The following PPM1H variants were observed in gnomAD, a reference collection of about 807,000 sequenced individuals.
PPM1H encodes protein phosphatase, Mg2+/Mn2+ dependent 1H, also known as protein phosphatase 1H.
Under a neutral mutation model 54.9 loss-of-function variants are expected in PPM1H, and 27 were observed. That is an observed-to-expected ratio of 0.49 (90% CI 0.36 to 0.68). PPM1H has a LOEUF of 0.68. Among genes scored for constraint, PPM1H ranks in the 30% least tolerant of loss-of-function variants. The pLI is 0.00. For synonymous variants in PPM1H, 305 were observed against 270.8 expected, an observed-to-expected ratio of 1.13 and a Z score of -1.24; for missense variants, 596 against 667.8, an observed-to-expected ratio of 0.89 and a Z score of 1.19.
intron 9 of PPM1H, among the ~76,000 whole-genome samples, chr12:62,651,629 C>T (rs756864318): frequency 2.0e-5 from 3 of 152,160 alleles, no homozygotes; most frequent in Non-Finnish European, 4.4e-5. Context: ...TCCAAGATAA[C>T]TTCCTTTGAG....
chr12:62,799,223 T>C (rs2076752246), intron 3 of PPM1H, among the ~76,000 whole-genome samples: 1 of 152,206 alleles, frequency 6.6e-6, no homozygotes, highest in Non-Finnish European at 1.5e-5. Context: ...AATGAACCTT[T>C]CTTTGCCAGC....
chr12:62,866,720 C>T (rs771029808), intron 1 of PPM1H, among the ~76,000 whole-genome samples: 1 of 152,062 alleles, frequency 6.6e-6, no homozygotes, highest in Non-Finnish European at 1.5e-5. Context: ...CCAGATAAGC[C>T]GCTCCCAGAT....
Position 62,648,213 on chromosome 12 carries a change from T to C in PPM1H, c.*276A>G. On this transcript the variant is annotated 3_prime_UTR_variant, in exon 10 of 10. Coordinates refer to ENST00000228705, the MANE Select transcript of PPM1H (RefSeq NM_020700.2). ...AATATGACATATATACCCCAAATAG[T>C]CAATGGCCACCTCGGAGGCCTATGA... is the stretch of plus-strand genomic sequence containing the variant. The C allele has an allele frequency of 2.8e-6, 1 of 358,650 alleles. No homozygotes were observed. Among genetic ancestry groups the C allele is most frequent in the South Asian group, 4.2e-5 (1 of 23,658 alleles). The allele number at this position is 358,650 out of a possible 1,614,324, so 22.2% of individuals were successfully genotyped here. A position where few individuals can be genotyped will look rare whatever the true frequency, so the allele number is the denominator to read the frequency against.
intron 3 of PPM1H, among the ~76,000 whole-genome samples, chr12:62,789,257 C>G (rs1207097523): frequency 2.0e-5 from 3 of 152,198 alleles, no homozygotes; most frequent in African/African-American, 7.2e-5. Context: ...TCAAACAATC[C>G]TGTCTCAGCC....
chr12:62,932,326 C>T (rs1259018615), intron 1 of PPM1H, among the ~76,000 whole-genome samples: 4 of 152,132 alleles, frequency 2.6e-5, no homozygotes, highest in African/African-American at 9.7e-5. Context: ...CCTGTGCCTA[C>T]CATAGGCATG....
chr12:62,789,275 G>T (rs1376583096), intron 3 of PPM1H, among the ~76,000 whole-genome samples: 2 of 152,158 alleles, frequency 1.3e-5, no homozygotes, highest in Non-Finnish European at 2.9e-5. Flanking sequence ...GCCTCCCAAA[G>T]CACTGGGCCA....
intron 1 of PPM1H, among the ~76,000 whole-genome samples, chr12:62,854,554 A>C (rs1423384796): frequency 6.6e-6 from 1 of 152,228 alleles, no homozygotes; most frequent in Non-Finnish European, 1.5e-5. Context: ...TTTAGTATTT[A>C]ACCTCTCAGG....
chr12:62,716,846 TA>T (rs541147778), intron 6 of PPM1H, among the ~76,000 whole-genome samples: 1 of 152,288 alleles, frequency 6.6e-6, no homozygotes, highest in Non-Finnish European at 1.5e-5. Context: ...CTTTAAGTCC[TA>T]AAAAATAACT....
rs184023577 is a variant in PPM1H at position 62,686,751 on chromosome 12, T to C, written c.1245+2948A>G. Among the ~76,000 whole-genome samples the C allele has an allele frequency of 1.9e-3, 292 of 152,336 alleles. 1 individual carries two copies. The highest frequency in any genetic ancestry group is 6.5e-3 in the African/African-American group (271 of 41,564). ...TCTACCGAGCTGACCTCACTTGAAA[T>C]CCTGGGTGATACCAGGAAATGTGTG... On this transcript the variant is annotated intron_variant, in intron 8 of 9. Transcript: ENST00000228705.
At chr12:62,778,887 T>C (rs949534303) in intron 4 of PPM1H, among the ~76,000 whole-genome samples, 2 of 150,484 alleles carry the variant, frequency 1.3e-5, no homozygotes, top group African/African-American at 2.5e-5. Flanking sequence ...GCTATGACCA[T>C]GCTACTGCAC....
chr12:62,906,319 T>C (rs764593869), intron 1 of PPM1H, among the ~76,000 whole-genome samples: 6 of 152,218 alleles, frequency 3.9e-5, no homozygotes, highest in Non-Finnish European at 8.8e-5. Flanking sequence ...CACCATGGCA[T>C]TGGTATTTTA....
chr12:62,919,954 TA>T (rs1181579217), intron 1 of PPM1H, among the ~76,000 whole-genome samples: 2 of 151,198 alleles, frequency 1.3e-5, no homozygotes, highest in African/African-American at 2.4e-5. Context: ...ACACCAAGAT[TA>T]AAAAAAAATA....
At chr12:62,868,622 T>A (rs1869867810) in intron 1 of PPM1H, among the ~76,000 whole-genome samples, 1 of 152,244 alleles carries the variant, frequency 6.6e-6, no homozygotes, top group African/African-American at 2.4e-5. Flanking sequence ...TTTTAAGAGC[T>A]GTTTACACTT....
intron 4 of PPM1H, among the ~76,000 whole-genome samples, chr12:62,768,571 C>A (rs932427119): frequency 6.6e-6 from 1 of 152,008 alleles, no homozygotes; most frequent in Non-Finnish European, 1.5e-5. Flanking sequence ...AGGAGAACGG[C>A]TTGAACCCAG....
chr12:62,761,548 G>A (rs1407426412), intron 4 of PPM1H, among the ~76,000 whole-genome samples: 1 of 152,102 alleles, frequency 6.6e-6, no homozygotes, highest in Non-Finnish European at 1.5e-5. Flanking sequence ...ATTGGTCTAT[G>A]TTTTGTACTA....
rs142662183 is a variant in PPM1H, at chr12:62,664,579, C to T, written c.1397+2599G>A. On this transcript the variant is annotated intron_variant, in intron 9 of 9. Coordinates refer to ENST00000228705, the MANE Select transcript of PPM1H (RefSeq NM_020700.2). ...AACACCCCTCCCTTGACAATTTGTA[C>T]GCTATTTTTATGCAATATTTTAGTT... Among the ~76,000 whole-genome samples, 115 of 152,282 alleles carry T rather than the reference C, an allele frequency of 7.6e-4. 1 individual carries two copies. The Middle Eastern group carries it at 0.01, about 14-fold the overall frequency.
At chr12:62,739,555 C>G (rs2076370841) in intron 4 of PPM1H, among the ~76,000 whole-genome samples, 1 of 152,146 alleles carries the variant, frequency 6.6e-6, no homozygotes, top group Non-Finnish European at 1.5e-5. Context: ...TTAACTTTTT[C>G]CTCTTTTTCT....
chr12:62,743,209 T>C (rs971878332), intron 4 of PPM1H, among the ~76,000 whole-genome samples: 4 of 151,854 alleles, frequency 2.6e-5, no homozygotes, highest in Admixed American at 6.6e-5. Context: ...AAAAATTAGC[T>C]GGGTGTGGTG....
At chr12:62,848,715 T>C (rs1869066703) in intron 1 of PPM1H, among the ~76,000 whole-genome samples, 1 of 151,136 alleles carries the variant, frequency 6.6e-6, no homozygotes, top group Non-Finnish European at 1.5e-5. Context: ...CCCTGCAACC[T>C]CAGCCTCATT....
Sources: allele counts gnomAD v4.1 joint callset (sites outside exome capture counted in the v4.1 genomes callset), GRCh38; gene constraint gnomAD v4.1.1; transcripts MANE v1.5; gene names NCBI Gene and HGNC (gene_info 2026-07-23, HGNC 2026-07-21).